The following MAP4 variants were observed in gnomAD, a reference collection of about 807,000 sequenced individuals.
The protein encoded by MAP4 is microtubule associated protein 4.
A neutral mutation model predicts 170.2 loss-of-function variants in MAP4; 76 were observed. That is an observed-to-expected ratio of 0.45 (90% confidence interval 0.37 to 0.54). MAP4 has a LOEUF of 0.54. Ranked by LOEUF, MAP4 falls within the 20% of genes least tolerant of loss-of-function variation. The pLI is 0.00. For synonymous variants in MAP4, 909 were observed against 994.5 expected (o/e 0.91, Z 1.62); for missense variants, 2,506 against 2,748.0 (o/e 0.91, Z 1.97).
intron 12 of MAP4, among the ~76,000 whole-genome samples, chr3:47,873,601 T>C (rs2094250402): frequency 6.6e-6 from 1 of 152,204 alleles, no homozygotes; most frequent in African/African-American, 2.4e-5. Flanking sequence ...AAGTATGGTG[T>C]GAAGAACGCT....
intron 1 of MAP4, among the ~76,000 whole-genome samples, chr3:48,043,715 A>G (rs1559844705): frequency 1.3e-5 from 2 of 152,230 alleles, no homozygotes; most frequent in Non-Finnish European, 2.9e-5. Flanking sequence ...GAAAAATTAA[A>G]CTTTCCACAG....
chr3:47,869,479 C>G, intron 15 of MAP4, 152 bp from the exon 16 acceptor site: 1 of 613,752 alleles, frequency 1.6e-6, no homozygotes, highest in Non-Finnish European at 2.9e-6. Flanking sequence ...CATACATTTC[C>G]CAGGGTAGAC....
At chr3:48,057,778 G>A (rs930483750) in intron 1 of MAP4, among the ~76,000 whole-genome samples, 1 of 152,080 alleles carries the variant, frequency 6.6e-6, no homozygotes, top group African/African-American at 2.4e-5. Context: ...TACCCTGGTT[G>A]TGATATTGTA....
chr3:48,002,811 A>G (rs1489126171), intron 1 of MAP4, among the ~76,000 whole-genome samples: 1 of 149,400 alleles, frequency 6.7e-6, no homozygotes, highest in Admixed American at 6.6e-5. Context: ...TGGGAGGTGG[A>G]GGTTGCAGTG....
chr3:48,071,770 G>C (rs891817595), intron 1 of MAP4, among the ~76,000 whole-genome samples: 2 of 151,836 alleles, frequency 1.3e-5, no homozygotes, highest in African/African-American at 4.8e-5. Flanking sequence ...AGGGTGTGGT[G>C]GTGCGTACCT....
At chr3:47,923,510 A>G (rs1199273042) in intron 4 of MAP4, among the ~76,000 whole-genome samples, 12 of 150,140 alleles carry the variant, frequency 8.0e-5, no homozygotes, top group Admixed American at 8.0e-4. Context: ...CCAGGGGTTC[A>G]AGGCTGCAGT....
chr3:48,074,804 C>T (rs766044596), intron 1 of MAP4, among the ~76,000 whole-genome samples: 1 of 150,752 alleles, frequency 6.6e-6, no homozygotes, highest in Non-Finnish European at 1.5e-5. Flanking sequence ...GCTGGGATTA[C>T]AGGTGTCAGC....
chr3:48,059,753 C>A (rs1241356551), intron 1 of MAP4, among the ~76,000 whole-genome samples: 3 of 150,998 alleles, frequency 2.0e-5, no homozygotes, highest in Non-Finnish European at 4.4e-5. Context: ...CTGAGGCAGG[C>A]GGATTGCCTG....
chr3:47,963,007 T>C (rs2100072584), intron 3 of MAP4, among the ~76,000 whole-genome samples: 1 of 152,230 alleles, frequency 6.6e-6, no homozygotes, highest in Admixed American at 6.5e-5. Context: ...AGGGCCAGGC[T>C]TGCCAGTTTT....
chr3:48,033,782 G>C (rs562847708), intron 1 of MAP4, among the ~76,000 whole-genome samples: 76 of 151,930 alleles, frequency 5.0e-4, no homozygotes, highest in Non-Finnish European at 9.3e-4. Context: ...TGTATTTTTA[G>C]TAAAGACGGA....
chr3:47,980,501 T>C (rs1022914039), intron 2 of MAP4, among the ~76,000 whole-genome samples: 2 of 152,166 alleles, frequency 1.3e-5, no homozygotes, highest in African/African-American at 2.4e-5. Flanking sequence ...CAGAAATCTT[T>C]CACACAAGCT....
intron 1 of MAP4, chr3:48,013,655 T>C (rs1315884633): frequency 1.3e-5 from 2 of 151,928 alleles, no homozygotes; most frequent in African/African-American, 4.8e-5. Context: ...CAACTATCAT[T>C]TCATATTATT....
chr3:48,014,577 T>C (rs1403962793), intron 1 of MAP4, among the ~76,000 whole-genome samples: 1 of 152,088 alleles, frequency 6.6e-6, no homozygotes, highest in African/African-American at 2.4e-5. Flanking sequence ...GAGGACTGAT[T>C]GAGCCCAGGA....
chr3:47,854,242 A>T (rs958326648), intron 19 of MAP4, among the ~76,000 whole-genome samples: 1 of 152,242 alleles, frequency 6.6e-6, no homozygotes, highest in African/African-American at 2.4e-5. Context: ...CTTGGAAAAG[A>T]GACTAAAGCC....
At position 47,909,021 on chromosome 3, in the gene MAP4, C is replaced by G. The variant is rs553751567; in HGVS notation, c.5383+17G>C. On this transcript the variant is annotated intron_variant, in intron 9 of 20. Transcript: ENST00000683076. ...AAAAGCCACAAGCACACACATTTCC[C>G]CATGGCAGGTTCATACCAGCGGACT... The G allele has an allele frequency of 1.2e-6, 2 of 1,601,576 alleles. No homozygotes were observed. The highest frequency in any genetic ancestry group is 1.7e-6 in the Non-Finnish European group (2 of 1,174,036).
At chr3:48,035,064 C>A (rs2100118085) in intron 1 of MAP4, among the ~76,000 whole-genome samples, 1 of 150,658 alleles carries the variant, frequency 6.6e-6, no homozygotes, top group Admixed American at 6.7e-5. Context: ...TGTCTGACTA[C>A]AAGTGAACAA....
At chr3:47,985,595 A>G (rs372100509) in intron 2 of MAP4, among the ~76,000 whole-genome samples, 2 of 152,208 alleles carry the variant, frequency 1.3e-5, no homozygotes, top group Admixed American at 6.5e-5. Context: ...ATATTTACAT[A>G]GTACTACTGC....
Position 47,875,894 on chromosome 3 carries a change from C to T in MAP4, c.5548G>A (p.Ala1850Thr). Residue 1850 changes from alanine to threonine, a missense_variant, in exon 12 of 21, where the codon GCC becomes ACC. Physicochemically the swap from Ala to Thr is moderately conservative, Grantham distance 58. Transcript: ENST00000683076. ...GAAGTCTTTGCAGGTTGAGTGGTGG[C>T]CAAAGGCTTTAGGTTGATTGTTGTT... Reference protein sequence around the residue: ...PSPEKKTKPLATTQPAKTSTS... With the variant: ...PSPEKKTKPLTTTQPAKTSTS... 6.2e-7 allele frequency: 1 copy of T among 1,606,402 alleles called. No homozygotes were observed. The highest frequency in any genetic ancestry group is 2.2e-5 in the East Asian group (1 of 44,772).
chr3:48,061,616 C>T (rs1375735049), intron 1 of MAP4, among the ~76,000 whole-genome samples: 7 of 150,904 alleles, frequency 4.6e-5, no homozygotes, highest in East Asian at 1.9e-4. Flanking sequence ...GCCGCCACCC[C>T]GTCTGGGAAG....
Sources: allele counts gnomAD v4.1 joint callset (sites outside exome capture counted in the v4.1 genomes callset), GRCh38; gene constraint gnomAD v4.1.1; transcripts MANE v1.5; gene names NCBI Gene and HGNC (gene_info 2026-07-23, HGNC 2026-07-21).